EFNA1: variants seen among roughly 807,000 people sequenced by gnomAD.
EFNA1 encodes ephrin-A1.
In EFNA1, 8 loss-of-function variants were observed where a neutral mutation model predicts 23.2. That is an observed-to-expected ratio of 0.34 (90% CI 0.20 to 0.62). The LOEUF (loss-of-function observed/expected upper bound fraction) is 0.62. EFNA1 is among the 20% of genes least tolerant of loss of function. EFNA1 has a pLI of 0.75. For missense variants in EFNA1, 217 were observed against 260.0 expected (o/e 0.83, Z 1.14); for synonymous variants, 89 against 98.6 (o/e 0.90, Z 0.58).
At position 155,132,884 on chromosome 1, in the gene EFNA1, G is replaced by T. The variant is rs554414939; in HGVS notation, c.389-619G>T. ...ATAAGATGGATCTAGGACTCTGTCG[G>T]TGGGGGCTAGGCAGGAGTAGTTTTT... On this transcript the variant is annotated intron_variant, in intron 2 of 4. Coordinates refer to ENST00000368407, the MANE Select transcript of EFNA1 (RefSeq NM_004428.3). Among the ~76,000 whole-genome samples, 13 of 150,212 alleles carry T rather than the reference G, an allele frequency of 8.7e-5. No homozygotes were observed. In the East Asian group the frequency reaches 2.5e-3, roughly 29 times the overall value.
intron 2 of EFNA1, 122 bp downstream of exon 2, chr1:155,131,756 A>G: frequency 9.2e-7 from 1 of 1,092,246 alleles, no homozygotes; most frequent in African/African-American, 1.6e-5. Flanking sequence ...TTCTATTTTC[A>G]TTCATCTACA....
intron 2 of EFNA1, among the ~76,000 whole-genome samples, 174 bp from the exon 3 acceptor site, chr1:155,133,329 G>A (rs527918640): frequency 2.0e-5 from 3 of 152,254 alleles, no homozygotes; most frequent in African/African-American, 7.2e-5. Flanking sequence ...TGAGAGGCTG[G>A]GCTGAACATT....
At chr1:155,130,493 G>A in intron 1 of EFNA1, 1 of 981,608 alleles carries the variant, frequency 1.0e-6, no homozygotes, top group Non-Finnish European at 1.2e-6. Flanking sequence ...AGGGGGAGAG[G>A]AGGAGAGAGG....
chr1:155,129,098 G>A (rs1032994397), intron 1 of EFNA1, among the ~76,000 whole-genome samples: 1 of 152,186 alleles, frequency 6.6e-6, no homozygotes, highest in African/African-American at 2.4e-5. Flanking sequence ...GCTTGTTAGG[G>A]TGGGGGAGAG....
In EFNA1 at chr1:155,131,438, G is replaced by A; in HGVS notation, c.192G>A (p.Met64Ile). The change falls in exon 2 of 5, where the codon ATG (methionine) becomes ATA (isoleucine). Residue 64 changes from methionine to isoleucine, a missense_variant. Transcript: ENST00000368407. ...ATCACTCTGTGGCAGACGCTGCCAT[G>A]GAGCAGTACATACTGTACCTGGTGG... Reference protein sequence around the residue: ...YEDHSVADAAMEQYILYLVEH... With the variant: ...YEDHSVADAAIEQYILYLVEH... The A allele has an allele frequency of 1.2e-6, 2 of 1,614,152 alleles. No individual in the cohort carries two copies. Among genetic ancestry groups the A allele is most frequent in the Non-Finnish European group, 1.7e-6 (2 of 1,180,032 alleles).
intron 1 of EFNA1, among the ~76,000 whole-genome samples, chr1:155,130,106 G>A (rs1036772186): frequency 6.6e-6 from 1 of 152,184 alleles, no homozygotes; most frequent in African/African-American, 2.4e-5. Context: ...CAGTTTGGGC[G>A]CTGGCACGCT....
intron 1 of EFNA1, 23 bp downstream of exon 1, chr1:155,128,092 G>A (rs1329239406): frequency 6.2e-7 from 1 of 1,605,626 alleles, no homozygotes; most frequent in Non-Finnish European, 8.5e-7. Context: ...ACTCCCGCTG[G>A]CAGCCTGGGC....
intron 1 of EFNA1, chr1:155,130,484 GGGGGAGAGGAGGAGAGA>G (rs899935288): frequency 2.0e-6 from 2 of 978,350 alleles, no homozygotes; most frequent in Non-Finnish European, 2.4e-6. Flanking sequence ...GGAGGGGAGA[GGGGGAGAGGAGGAGAGA>G]GGGGAGAGAG....
At chr1:155,131,869 G>A (rs2102471525) in intron 2 of EFNA1, among the ~76,000 whole-genome samples, 1 of 152,266 alleles carries the variant, frequency 6.6e-6, no homozygotes, top group East Asian at 1.9e-4. Context: ...CAAGGAAGCT[G>A]GGAAGAAACA....
intron 1 of EFNA1, among the ~76,000 whole-genome samples, chr1:155,129,167 C>T (rs1180761178): frequency 6.6e-6 from 1 of 152,192 alleles, no homozygotes; most frequent in South Asian, 2.1e-4. Context: ...GCTGGGGAGG[C>T]TCAGCCAGCC....
At chr1:155,130,686 G>A (rs1664221552) in intron 1 of EFNA1, 1 of 985,120 alleles carries the variant, frequency 1.0e-6, no homozygotes, top group South Asian at 4.7e-5. Flanking sequence ...AGATTTGAGG[G>A]GGCTGAATGA....
Position 155,133,742 on chromosome 1 carries a change from A to C in EFNA1, c.467A>C (p.Gln156Pro). 1 of 1,614,116 alleles carries C rather than the reference A, an allele frequency of 6.2e-7. No homozygotes were observed. The highest frequency in any genetic ancestry group is 1.7e-5 in the Admixed American group (1 of 60,004). The change falls in exon 4 of 5, where the codon CAG becomes CCG. Residue 156 changes from glutamine (Q) to proline (P), a missense_variant. Coordinates refer to ENST00000368407, the MANE Select transcript of EFNA1 (RefSeq NM_004428.3). ...TVSGKITHSP[Q>P]AHDNPQEKRL... ...TCTTGTCTTTCAGCTCACAGTCCTC[A>C]GGCCCATGACAATCCACAGGAGAAG...
chr1:155,133,255 C>G (rs1042763467), intron 2 of EFNA1, among the ~76,000 whole-genome samples: 1 of 151,960 alleles, frequency 6.6e-6, no homozygotes, highest in East Asian at 1.9e-4. Context: ...TATTCAGACT[C>G]GGAGGAATGA....
rs1205744829 is a variant in EFNA1 at position 155,134,021 on chromosome 1, C to T, written c.572C>T (p.Ala191Val). Reference sequence around the variant, plus strand: ...GCTGCCCCACGCCTCTTCCCACTTGCCTGGACTGTGCTGCTCCTTCCACTT... The same window carrying T: ...GCTGCCCCACGCCTCTTCCCACTTGTCTGGACTGTGCTGCTCCTTCCACTT... Reference protein sequence around the residue: ...HSAAPRLFPLAWTVLLLPLLL... With the variant: ...HSAAPRLFPLVWTVLLLPLLL... Residue 191 changes from alanine to valine, a missense_variant, in exon 5 of 5, where the codon GCC (alanine) becomes GTC (valine). Transcript: ENST00000368407. The T allele has an allele frequency of 1.2e-6, 2 of 1,614,204 alleles. No individual in the cohort carries two copies. Among genetic ancestry groups the T allele is most frequent in the South Asian group, 1.1e-5 (1 of 91,078 alleles).
chr1:155,134,309 A>G lies in EFNA1; in HGVS notation c.*242A>G. The stretch of plus-strand genomic sequence containing the variant: ...CGGAGGGATGGAGAAAGAAGTGGAG[A>G]CAGTCCTTTCCCACCATTCCTGCCT... On this transcript the variant is annotated 3_prime_UTR_variant, in exon 5 of 5. Coordinates refer to ENST00000368407, the MANE Select transcript of EFNA1 (RefSeq NM_004428.3). 1.8e-6 allele frequency: 1 copy of G among 555,458 alleles called. No individual in the cohort carries two copies. The highest frequency in any genetic ancestry group is 3.2e-6 in the Non-Finnish European group (1 of 307,748). 34.4% of individuals were successfully genotyped at this position (555,458 alleles called of 1,614,324 possible). A position where few individuals can be genotyped will look rare whatever the true frequency, so the allele number is the denominator to read the frequency against.
intron 1 of EFNA1, chr1:155,131,127 A>G (rs756522833): frequency 2.8e-5 from 39 of 1,370,732 alleles, no homozygotes; most frequent in Non-Finnish European, 3.5e-5. Context: ...TTGAAGGACC[A>G]ACAGGAGACA....
In EFNA1 at chr1:155,128,020, CTG is replaced by C; in HGVS notation, c.44_45del (p.Leu15ArgfsTer4). On this transcript the variant is annotated frameshift_variant, in exon 1 of 5. Transcript: ENST00000368407. LOFTEE classifies it high-confidence loss of function. ...WAPLLGLCCS[L>X]AAADRHTVFW... The stretch of plus-strand genomic sequence containing the variant: ...CCCTCTCTTGGGTCTGTGCTGCAGT[CTG>C]GCCGCTGCTGATCGCCACACCGTCT... 1 of 1,613,786 alleles carries C rather than the reference CTG, an allele frequency of 6.2e-7. No homozygotes were observed. The highest frequency in any genetic ancestry group is 8.5e-7 in the Non-Finnish European group (1 of 1,180,000).
intron 1 of EFNA1, 76 bp downstream of exon 1, chr1:155,128,145 A>C (rs2102469117): frequency 7.5e-7 from 1 of 1,330,688 alleles, no homozygotes; most frequent in Non-Finnish European, 1.1e-6. Context: ...TCCCGGCCAA[A>C]CCCTGAGCTG....
At chr1:155,131,767 T>A (rs1664244396) in intron 2 of EFNA1, 133 bp downstream of exon 2, 2 of 1,034,140 alleles carry the variant, frequency 1.9e-6, no homozygotes, top group Non-Finnish European at 2.8e-6. Flanking sequence ...TTCATCTACA[T>A]CCCAATGTGA....
Sources: gnomAD v4.1 joint callset for allele counts (sites outside exome capture counted in the v4.1 genomes callset) on GRCh38, gnomAD v4.1.1 for gene constraint, MANE v1.5 for transcripts, NCBI Gene and HGNC (gene_info 2026-07-23, HGNC 2026-07-21) for gene names.